Variants in CSDE1 observed in about 807,000 individuals in gnomAD.
CSDE1 encodes the protein cold shock domain containing E1.
CSDE1 carries 17 observed loss-of-function variants against 89.3 expected under a neutral mutation model. The ratio of observed to expected loss-of-function variants is 0.19; its 90% CI spans 0.13 to 0.29. The LOEUF is 0.29. Among genes scored for constraint, CSDE1 ranks in the 10% least tolerant of loss-of-function variants. CSDE1 has a pLI of 1.00. For synonymous variants in CSDE1, 322 were observed against 332.8 expected (o/e 0.97, Z 0.35); for missense variants, 672 against 984.2 (o/e 0.68, Z 4.24).
Position 114,750,182 on chromosome 1 carries a change from TA to T in CSDE1, c.-363del, listed in dbSNP as rs1661229100. ...AACTTGAAGCAGCAGTTTCAGGTGG[TA>T]AAGTCTGTTCTGTTACACTTCATAC... On this transcript the variant is annotated 5_prime_UTR_variant, in exon 2 of 20. It removes the in-frame stop codon of an upstream open reading frame in the 5' UTR. Transcript: ENST00000358528. The T allele has an allele frequency of 6.6e-6, 1 of 152,630 alleles. No individual in the cohort carries two copies. The highest frequency in any genetic ancestry group is 6.5e-5 in the Admixed American group (1 of 15,276). 9.5% of individuals were successfully genotyped at this position (152,630 alleles called of 1,614,324 possible).
At chr1:114,723,808 C>A (rs1176649617) in intron 16 of CSDE1, 75 bp downstream of exon 16, 5 of 1,595,552 alleles carry the variant, frequency 3.1e-6, no homozygotes, top group Admixed American at 1.7e-5. Flanking sequence ...CAATAAGCAC[C>A]ATATTTTAAA....
In CSDE1 at chr1:114,730,537, C is replaced by T; in HGVS notation, c.1162G>A (p.Ala388Thr). 1 of 1,614,120 alleles carries T rather than the reference C, an allele frequency of 6.2e-7. No homozygotes were observed. Among genetic ancestry groups the T allele is most frequent in the South Asian group, 1.1e-5 (1 of 91,090 alleles). The change falls in exon 11 of 20, where the codon GCA becomes ACA. Residue 388 changes from alanine to threonine, a missense_variant. Around this residue, in one of 8 missense-constraint regions of CSDE1, gnomAD observed 169 missense variants for 262.9 expected, o/e 0.64. Coordinates refer to ENST00000358528, the MANE Select transcript of CSDE1 (RefSeq NM_001007553.3). Reference protein sequence around the residue: ...EILDGNQLHIADEVEFTVVPD... With the variant: ...EILDGNQLHITDEVEFTVVPD... Reference sequence around the variant, plus strand: ...ACCACAGTAAACTCTACTTCATCTGCAATATGGAGCTGGTTCCCATCCAGA... The same window carrying T: ...ACCACAGTAAACTCTACTTCATCTGTAATATGGAGCTGGTTCCCATCCAGA...
chr1:114,757,529 T>C (rs1437947188), intron 1 of CSDE1, among the ~76,000 whole-genome samples: 3 of 151,608 alleles, frequency 2.0e-5, no homozygotes, highest in Non-Finnish European at 4.4e-5. Context: ...GTAGTTCCCG[T>C]TTCCCCAGAC....
At position 114,739,767 on chromosome 1, in the gene CSDE1, A is replaced by G. The variant is rs765125070; in HGVS notation, c.124T>C (p.Cys42Arg). 8 of 1,614,168 alleles carry G rather than the reference A, an allele frequency of 5.0e-6. No individual in the cohort carries two copies. Among genetic ancestry groups the G allele is most frequent in the Non-Finnish European group, 6.8e-6 (8 of 1,180,004 alleles). Reference sequence around the variant, plus strand: ...AAAAGTCTAGCTTGACGTTCTGAACACTGAATAAATCCGTAAGAGGTTAAC... The same window carrying G: ...AAAAGTCTAGCTTGACGTTCTGAACGCTGAATAAATCCGTAAGAGGTTAAC... ...KLLTSYGFIQCSERQARLFFH... is the reference protein window; with the variant it reads ...KLLTSYGFIQRSERQARLFFH... The change falls in exon 3 of 20, where the codon TGT becomes CGT. Residue 42 changes from cysteine (C) to arginine (R), a missense_variant. This residue lies in a region of CSDE1 where 34 missense variants were observed against 73.3 expected (regional missense o/e 0.46). Coordinates refer to ENST00000358528, the MANE Select transcript of CSDE1 (RefSeq NM_001007553.3).
At chr1:114,745,502 C>T (rs778714933) in intron 2 of CSDE1, among the ~76,000 whole-genome samples, 6 of 152,130 alleles carry the variant, frequency 3.9e-5, no homozygotes, top group Non-Finnish European at 8.8e-5. Flanking sequence ...GATGAGAAAA[C>T]ACTTAGCCAT....
chr1:114,723,423 T>C (rs749182951), intron 16 of CSDE1, among the ~76,000 whole-genome samples: 1 of 151,998 alleles, frequency 6.6e-6, no homozygotes, highest in Admixed American at 6.6e-5. Context: ...AAACGAGAAA[T>C]AGGATCCTCA....
At chr1:114,727,911 G>C in intron 12 of CSDE1, 1 of 152,098 alleles carries the variant, frequency 6.6e-6, no homozygotes, top group East Asian at 1.9e-4. Flanking sequence ...AAATTATACT[G>C]ATTTTATGGT....
At position 114,718,160 on chromosome 1, in the gene CSDE1, T is replaced by C. The variant is rs9724612; in HGVS notation, c.*9A>G. On this transcript the variant is annotated 3_prime_UTR_variant, in exon 20 of 20. Transcript: ENST00000358528. ...CATAGTGGATTAATGGTGTGCTTTG[T>C]GGATGTGGTTAGTCAATGACACCAG... 6.2e-7 allele frequency: 1 copy of C among 1,614,034 alleles called. No homozygotes were observed. Among genetic ancestry groups the C allele is most frequent in the East Asian group, 2.2e-5 (1 of 44,884 alleles).
At chr1:114,726,446 C>G in intron 13 of CSDE1, 60 bp from the exon 14 acceptor site, 1 of 1,400,724 alleles carries the variant, frequency 7.1e-7, no homozygotes, top group South Asian at 1.5e-5. Flanking sequence ...CTCCTTAACT[C>G]AGAAAACAAG....
chr1:114,751,022 T>C (rs17032877), intron 1 of CSDE1, among the ~76,000 whole-genome samples: 4,958 of 152,254 alleles, frequency 0.033, 283 homozygotes, highest in African/African-American at 0.11. Context: ...AAATAGGATA[T>C]GTAGTGTGAC....
At chr1:114,747,822 C>A (rs1198504399) in intron 2 of CSDE1, among the ~76,000 whole-genome samples, 1 of 151,794 alleles carries the variant, frequency 6.6e-6, no homozygotes, top group Non-Finnish European at 1.5e-5. Flanking sequence ...CACCCCACTG[C>A]ACTCCAGCCT....
In CSDE1 at chr1:114,726,225, G is replaced by T. The variant is rs1659789276; in HGVS notation, c.1626C>A (p.Ile542=). The T allele has an allele frequency of 6.2e-7, 1 of 1,607,058 alleles. No homozygotes were observed. Among genetic ancestry groups the T allele is most frequent in the Non-Finnish European group, 8.5e-7 (1 of 1,177,230 alleles). ...TCACGCCTTACCTGTAATGGAAAAA[G>T]ATTTCCTTATCATGATTGGCTGTTT... ...FIETANHDKE[I]FFHYSEFSGD... is the part of the protein sequence containing the mutation. The change falls in exon 14 of 20, where the codon ATC becomes ATA. Residue 542 remains isoleucine, a synonymous_variant. Coordinates refer to ENST00000358528, the MANE Select transcript of CSDE1 (RefSeq NM_001007553.3).
intron 2 of CSDE1, among the ~76,000 whole-genome samples, chr1:114,740,585 C>A (rs909382323): frequency 1.3e-5 from 2 of 152,148 alleles, no homozygotes; most frequent in Non-Finnish European, 2.9e-5. Flanking sequence ...TAAAAGAAAC[C>A]CTTCACTTTT....
At chr1:114,741,415 G>C in intron 2 of CSDE1, 1 of 1,006,336 alleles carries the variant, frequency 9.9e-7, no homozygotes, top group Non-Finnish European at 1.4e-6. Context: ...AAAATGATTC[G>C]GGAAGTTAGA....
intron 1 of CSDE1, among the ~76,000 whole-genome samples, chr1:114,750,531 AAAG>A (rs1309474254): frequency 2.0e-5 from 3 of 152,226 alleles, no homozygotes; most frequent in African/African-American, 7.2e-5. Flanking sequence ...GGAAAACATA[AAAG>A]AAGTCCCTGC....
intron 2 of CSDE1, among the ~76,000 whole-genome samples, chr1:114,747,391 C>T (rs1661069421): frequency 6.6e-6 from 1 of 152,136 alleles, no homozygotes; most frequent in South Asian, 2.1e-4. Flanking sequence ...ATCTTCATCC[C>T]AATTGTGGTT....
intron 1 of CSDE1, among the ~76,000 whole-genome samples, chr1:114,751,067 C>T (rs968965097): frequency 6.6e-6 from 1 of 152,122 alleles, no homozygotes; most frequent in Non-Finnish European, 1.5e-5. Flanking sequence ...AGCATTTCAA[C>T]GTGATGTAAC....
At chr1:114,757,345 G>A (rs1052549727) in intron 1 of CSDE1, among the ~76,000 whole-genome samples, 1 of 152,142 alleles carries the variant, frequency 6.6e-6, no homozygotes, top group Non-Finnish European at 1.5e-5. Context: ...TATACACAAA[G>A]AAGGCGCCAC....
At chr1:114,726,836 C>T (rs887438506) in intron 13 of CSDE1, 147 bp downstream of exon 13, 32 of 573,192 alleles carry the variant, frequency 5.6e-5, no homozygotes, top group Non-Finnish European at 9.8e-5. Flanking sequence ...TAATAAGCTG[C>T]TTTCAAATAC....
Sources: gnomAD v4.1 joint callset for allele counts (sites outside exome capture counted in the v4.1 genomes callset) on GRCh38, gnomAD v4.1.1 for gene constraint, gnomAD v4.1.1 regional missense constraint, MANE v1.5 for transcripts, NCBI Gene and HGNC (gene_info 2026-07-23, HGNC 2026-07-21) for gene names.